The following MTUS2 variants were observed in gnomAD, a reference collection of about 807,000 sequenced individuals.
The protein encoded by MTUS2 is microtubule-associated tumor suppressor candidate 2.
MTUS2 carries 40 observed loss-of-function variants against 114.1 expected under a neutral mutation model. That is an observed-to-expected ratio of 0.35 (90% CI 0.27 to 0.46). MTUS2 has a LOEUF of 0.46. Among genes scored for constraint, MTUS2 ranks in the 20% least tolerant of loss-of-function variants. The pLI, the probability that MTUS2 is intolerant of heterozygous loss-of-function variation, is 1.00. For synonymous variants in MTUS2, 688 were observed against 672.0 expected, an observed-to-expected ratio of 1.02 and a Z score of -0.37; for missense variants, 1,679 against 1,705.4, an observed-to-expected ratio of 0.98 and a Z score of 0.27.
intron 2 of MTUS2, among the ~76,000 whole-genome samples, chr13:28,958,520 T>C (rs574699502): frequency 2.6e-5 from 4 of 152,354 alleles, no homozygotes; most frequent in East Asian, 3.9e-4. Context: ...TCTTAGTCTG[T>C]TTACTATTGT....
At chr13:28,899,766 T>G (rs2137953685) in intron 2 of MTUS2, among the ~76,000 whole-genome samples, 1 of 152,312 alleles carries the variant, frequency 6.6e-6, no homozygotes, top group Admixed American at 6.5e-5. Flanking sequence ...TTCTTTTTTC[T>G]GTCCATAAAT....
chr13:28,833,519 C>T (rs113351646), intron 1 of MTUS2, among the ~76,000 whole-genome samples: 111 of 152,180 alleles, frequency 7.3e-4, no homozygotes, highest in African/African-American at 2.6e-3. Flanking sequence ...TCAAACAGCA[C>T]TTCATGATAA....
chr13:29,389,323 ATGTGTG>A lies in MTUS2; in HGVS notation c.3117+29852_3117+29857del, dbSNP rs1362641021. The stretch of plus-strand genomic sequence containing the variant: ...TATATGTGTATATATGTATACACAT[ATGTGTG>A]TATATATGTATGCACGTGTGTGTAT... On this transcript the variant is annotated intron_variant, in intron 8 of 15. Coordinates refer to ENST00000612955, the MANE Select transcript of MTUS2 (RefSeq NM_001033602.4). Among the ~76,000 whole-genome samples the A allele has an allele frequency of 2.9e-4, 18 of 62,220 alleles. 1 individual carries two copies. The highest frequency in any genetic ancestry group is 8.6e-4 in the African/African-American group (18 of 20,998). The allele number at this position is 62,220 out of a possible 152,430, so 40.8% of individuals were successfully genotyped here.
intron 9 of MTUS2, among the ~76,000 whole-genome samples, chr13:29,449,466 C>T (rs1234801162): frequency 1.3e-5 from 2 of 152,148 alleles, no homozygotes; most frequent in African/African-American, 4.8e-5. Flanking sequence ...TACCTCCAAG[C>T]TCTTCCATAT....
At chr13:29,198,968 C>G (rs1282007779) in intron 5 of MTUS2, among the ~76,000 whole-genome samples, 2 of 152,078 alleles carry the variant, frequency 1.3e-5, no homozygotes, top group East Asian at 3.9e-4. Context: ...ATATTTGGGG[C>G]TGAGATGATG....
chr13:28,882,983 A>G (rs1878380512), intron 2 of MTUS2, among the ~76,000 whole-genome samples: 1 of 152,230 alleles, frequency 6.6e-6, no homozygotes, highest in South Asian at 2.1e-4. Context: ...AAATGGGCAA[A>G]GACATGAGCA....
At chr13:29,424,946 T>TA in intron 8 of MTUS2, among the ~76,000 whole-genome samples, 1 of 150,060 alleles carries the variant, frequency 6.7e-6, no homozygotes, top group South Asian at 2.1e-4. Flanking sequence ...ACCAGGAAAA[T>TA]TTTTTTTTTA....
intron 6 of MTUS2, among the ~76,000 whole-genome samples, chr13:29,323,375 G>A (rs768465099): frequency 5.3e-5 from 8 of 151,560 alleles, no homozygotes; most frequent in East Asian, 1.9e-4. Flanking sequence ...TCAGCCTCCC[G>A]TGTAGCTGGG....
At chr13:28,830,697 C>G (rs1243128196) in intron 1 of MTUS2, among the ~76,000 whole-genome samples, 1 of 152,026 alleles carries the variant, frequency 6.6e-6, no homozygotes, top group Non-Finnish European at 1.5e-5. Flanking sequence ...TAATTGAAAT[C>G]TCAAAAGGAA....
chr13:28,889,008 T>C (rs747642592), intron 2 of MTUS2, among the ~76,000 whole-genome samples: 37 of 152,188 alleles, frequency 2.4e-4, no homozygotes, highest in Non-Finnish European at 3.7e-4. Flanking sequence ...CCAGGAAAAG[T>C]GTAATTGATA....
intron 2 of MTUS2, among the ~76,000 whole-genome samples, chr13:28,898,756 TTTTTATTTTAGACA>T (rs948256450): frequency 5.4e-4 from 82 of 152,306 alleles, no homozygotes; most frequent in African/African-American, 1.9e-3. Flanking sequence ...GACATTAATA[TTTTTATTTTAGACA>T]TACTTAGCAA....
intron 5 of MTUS2, among the ~76,000 whole-genome samples, chr13:29,245,206 G>A (rs928428856): frequency 6.6e-6 from 1 of 152,092 alleles, no homozygotes; most frequent in African/African-American, 2.4e-5. Flanking sequence ...GAGACTCAAA[G>A]CAGGGGAGAA....
At chr13:29,229,727 G>A (rs1896249853) in intron 5 of MTUS2, among the ~76,000 whole-genome samples, 1 of 152,116 alleles carries the variant, frequency 6.6e-6, no homozygotes, top group African/African-American at 2.4e-5. Flanking sequence ...CAAAATTTCT[G>A]AACTCTTTCC....
chr13:29,347,705 T>C (rs900556643), intron 7 of MTUS2, among the ~76,000 whole-genome samples: 1 of 152,108 alleles, frequency 6.6e-6, no homozygotes, highest in South Asian at 2.1e-4. Flanking sequence ...AAGGGCTCAA[T>C]CTCACAAGAC....
chr13:29,428,620 AGCAG>A, intron 8 of MTUS2: 2 of 25,988 alleles, frequency 7.7e-5, no homozygotes, highest in Non-Finnish European at 1.5e-4. Flanking sequence ...TCCCTCCCGC[AGCAG>A]CAAGATCTGA....
chr13:29,095,729 T>G (rs562447664), intron 4 of MTUS2, among the ~76,000 whole-genome samples: 33 of 151,940 alleles, frequency 2.2e-4, no homozygotes, highest in African/African-American at 7.7e-4. Context: ...CACTTTTTTT[T>G]TCCTGCCACT....
In MTUS2 at chr13:28,908,087, T is replaced by G. The variant is rs143187182; in HGVS notation, c.-243+68237T>G. On this transcript the variant is annotated intron_variant, in intron 2 of 15. Transcript: ENST00000612955. ...TTTGGAATCCACTCAGTTTCTTGAT[T>G]CTCTAGATTTATGTCTTTCACCAAA... 2.0e-5 allele frequency among the ~76,000 whole-genome samples: 3 copies of G among 151,736 alleles called. No individual in the cohort carries two copies. The East Asian group carries it at 5.8e-4, about 29-fold the overall frequency.
intron 5 of MTUS2, among the ~76,000 whole-genome samples, chr13:29,181,055 A>C (rs1893981950): frequency 6.6e-6 from 1 of 152,180 alleles, no homozygotes; most frequent in Admixed American, 6.5e-5. Flanking sequence ...TTCCAGAAGA[A>C]ACAATATGGC....
chr13:29,032,934 TTCTC>T (rs781476760), intron 3 of MTUS2, among the ~76,000 whole-genome samples: 1 of 152,232 alleles, frequency 6.6e-6, no homozygotes, highest in Non-Finnish European at 1.5e-5. Context: ...GTTTATTTAG[TTCTC>T]TCTCTTTTTT....
Sources: allele counts gnomAD v4.1 joint callset (sites outside exome capture counted in the v4.1 genomes callset), GRCh38; gene constraint gnomAD v4.1.1; transcripts MANE v1.5; gene names NCBI Gene and HGNC (gene_info 2026-07-23, HGNC 2026-07-21).